SLC1A3: variants seen among roughly 807,000 people sequenced by gnomAD.
SLC1A3 encodes excitatory amino acid transporter 1.
A neutral mutation model predicts 48.1 loss-of-function variants in SLC1A3; 21 were observed. The observed-to-expected ratio is 0.44, with a 90% CI of 0.31 to 0.63. SLC1A3 has a LOEUF of 0.63. SLC1A3 is among the 20% of genes least tolerant of loss of function. The pLI, the probability that SLC1A3 is intolerant of heterozygous loss-of-function variation, is 0.08. For synonymous variants in SLC1A3, 239 were observed against 251.4 expected, an observed-to-expected ratio of 0.95 and a Z score of 0.47; for missense variants, 546 against 689.0, an observed-to-expected ratio of 0.79 and a Z score of 2.32.
At chr5:36,634,287 T>TATAAATAA (rs60704367) in intron 3 of SLC1A3, among the ~76,000 whole-genome samples, 6,792 of 149,932 alleles carry the variant, frequency 0.045, 562 homozygotes, top group African/African-American at 0.16. Flanking sequence ...AAAAAAGAAA[T>TATAAATAA]ATAAATAAAT....
intron 4 of SLC1A3, 73 bp downstream of exon 4, chr5:36,671,306 C>A: frequency 9.3e-7 from 1 of 1,071,576 alleles, no homozygotes; most frequent in Non-Finnish European, 1.4e-6. Flanking sequence ...ACTATTCAAA[C>A]CCTGGAAGGG....
At chr5:36,627,438 A>T (rs890758055) in intron 2 of SLC1A3, among the ~76,000 whole-genome samples, 2 of 152,094 alleles carry the variant, frequency 1.3e-5, no homozygotes, top group Non-Finnish European at 2.9e-5. Flanking sequence ...ATTTCGTAAC[A>T]TGGATTCAGG....
At chr5:36,601,268 T>TG (rs113394286) in intron 1 of SLC1A3, among the ~76,000 whole-genome samples, 38,382 of 151,910 alleles carry the variant, frequency 0.25, 6,925 homozygotes, top group African/African-American at 0.51. Flanking sequence ...CTTCCTTTGG[T>TG]ACTGTATTAT....
upstream of SLC1A3, among the ~76,000 whole-genome samples, chr5:36,605,199 C>A (rs1223672057): frequency 1.3e-5 from 2 of 151,862 alleles, no homozygotes; most frequent in Non-Finnish European, 1.5e-5. Context: ...GTTGAGAAAC[C>A]AAAACTTAAC....
chr5:36,680,824 G>A (rs2111972308), intron 8 of SLC1A3, among the ~76,000 whole-genome samples: 1 of 151,962 alleles, frequency 6.6e-6, no homozygotes, highest in Admixed American at 6.6e-5. Flanking sequence ...GGCTGAAGCA[G>A]GAGAATTGCT....
At chr5:36,622,026 C>A (rs548798560) in intron 2 of SLC1A3, among the ~76,000 whole-genome samples, 2 of 152,190 alleles carry the variant, frequency 1.3e-5, no homozygotes, top group Non-Finnish European at 2.9e-5. Flanking sequence ...ATTTGTGTCA[C>A]GTAAAACCAG....
intron 3 of SLC1A3, among the ~76,000 whole-genome samples, chr5:36,664,200 C>T (rs1372862107): frequency 6.6e-6 from 1 of 152,182 alleles, no homozygotes; most frequent in Admixed American, 6.5e-5. Flanking sequence ...ATGGCATGAT[C>T]TCAGCTCACT....
chr5:36,621,682 G>T (rs530905083), intron 2 of SLC1A3, among the ~76,000 whole-genome samples: 1 of 152,138 alleles, frequency 6.6e-6, no homozygotes, highest in Non-Finnish European at 1.5e-5. Flanking sequence ...AGGATCACAC[G>T]GGGAGTTAAG....
At position 36,608,435 on chromosome 5, in the gene SLC1A3, C is replaced by T. The variant is rs1739049484; in HGVS notation, c.12C>T (p.Ser4=). 1 of 1,613,948 alleles carries T rather than the reference C, an allele frequency of 6.2e-7. No individual in the cohort carries two copies. Among genetic ancestry groups the T allele is most frequent in the East Asian group, 2.2e-5 (1 of 44,880 alleles). MTK[S]NGEEPKMGGR... is the part of the protein sequence containing the mutation. ...TAGAAAAGTAAAATATGACTAAAAG[C>T]AATGGAGAAGAGCCCAAGATGGGGG... Residue 4 remains serine (S), a synonymous_variant, in exon 2 of 10, where the codon AGC becomes AGT. Transcript: ENST00000265113.
rs117192682 is a variant in SLC1A3, at chr5:36,599,767, A to C, written c.-96+3089A>C. On this transcript the variant is annotated intron_variant, in intron 1 of 9. Coordinates refer to the SLC1A3 transcript ENST00000680318. ...GTGATCCACCCGCTTAGGCCTCTCA[A>C]AGTGCTGCTGTGGTTGAACTTTTAA... Among the ~76,000 whole-genome samples the C allele has an allele frequency of 2.0e-5, 3 of 151,758 alleles. No individual in the cohort carries two copies. The East Asian group carries it at 5.8e-4, about 30-fold the overall frequency.
intron 3 of SLC1A3, among the ~76,000 whole-genome samples, chr5:36,641,851 T>G (rs980205532): frequency 6.6e-6 from 1 of 152,224 alleles, no homozygotes; most frequent in Non-Finnish European, 1.5e-5. Flanking sequence ...ACACTTACTA[T>G]GTGAAATATA....
At chr5:36,648,848 C>T (rs115172522) in intron 3 of SLC1A3, among the ~76,000 whole-genome samples, 2,105 of 152,070 alleles carry the variant, frequency 0.014, 13 homozygotes, top group Middle Eastern at 0.024. Context: ...TCAAGGGTTA[C>T]TAAGATTGCA....
intron 3 of SLC1A3, among the ~76,000 whole-genome samples, chr5:36,659,166 G>A (rs1231700425): frequency 6.6e-6 from 1 of 152,172 alleles, no homozygotes; most frequent in Non-Finnish European, 1.5e-5. Flanking sequence ...CAAACAGTGG[G>A]CACTGGAGTT....
intron 3 of SLC1A3, among the ~76,000 whole-genome samples, chr5:36,660,168 C>G (rs1741446551): frequency 1.3e-5 from 2 of 152,186 alleles, no homozygotes; most frequent in Non-Finnish European, 2.9e-5. Context: ...ATCTTCATCA[C>G]TCACTCTATT....
chr5:36,613,892 A>T (rs1022045849), intron 2 of SLC1A3, among the ~76,000 whole-genome samples: 1 of 152,154 alleles, frequency 6.6e-6, no homozygotes, highest in African/African-American at 2.4e-5. Context: ...CTGGGGGAAA[A>T]AAAATACAGA....
intron 6 of SLC1A3, among the ~76,000 whole-genome samples, chr5:36,677,938 C>A (rs1475277578): frequency 2.0e-5 from 3 of 152,160 alleles, no homozygotes; most frequent in Non-Finnish European, 4.4e-5. Flanking sequence ...TTACAAAATG[C>A]CAAGCCACAA....
chr5:36,612,483 G>T (rs190430124), intron 2 of SLC1A3, among the ~76,000 whole-genome samples: 27 of 152,044 alleles, frequency 1.8e-4, no homozygotes, highest in African/African-American at 5.8e-4. Context: ...TACTTGGGGG[G>T]GCTGAAGTGG....
chr5:36,652,774 C>A (rs571272727), intron 3 of SLC1A3, among the ~76,000 whole-genome samples: 1 of 152,236 alleles, frequency 6.6e-6, no homozygotes, highest in Non-Finnish European at 1.5e-5. Flanking sequence ...AAAATTTTAC[C>A]AAGAACAATT....
chr5:36,605,524 G>C (rs184040400), upstream of SLC1A3, among the ~76,000 whole-genome samples: 1 of 151,964 alleles, frequency 6.6e-6, no homozygotes, highest in African/African-American at 2.4e-5. Context: ...TTGTATTGAG[G>C]GGAAAAAAGA....
Sources: gnomAD v4.1 joint callset for allele counts (sites outside exome capture counted in the v4.1 genomes callset) on GRCh38, gnomAD v4.1.1 for gene constraint, MANE v1.5 for transcripts, NCBI Gene and HGNC (gene_info 2026-07-23, HGNC 2026-07-21) for gene names.